Variants in CSMD1 observed in about 807,000 individuals in gnomAD.
The protein encoded by CSMD1 is CUB and sushi domain-containing protein 1.
Under a neutral mutation model 417.5 loss-of-function variants are expected in CSMD1, and 213 were observed. That is an observed-to-expected ratio of 0.51 (90% confidence interval 0.46 to 0.57). CSMD1 has a LOEUF of 0.57. Ranked by LOEUF, CSMD1 falls within the 20% of genes least tolerant of loss-of-function variation. The probability of loss-of-function intolerance (pLI) is 0.00; values close to 1 mark genes in which losing one functional copy is unlikely to be tolerated. For synonymous variants in CSMD1, 2,862 were observed against 1,736.8 expected, an observed-to-expected ratio of 1.65 and a Z score of -16.11; for missense variants, 6,923 against 4,529.7, an observed-to-expected ratio of 1.53 and a Z score of -15.17.
chr8:3,449,665 C>T (rs987185289), intron 12 of CSMD1, among the ~76,000 whole-genome samples: 2 of 152,016 alleles, frequency 1.3e-5, no homozygotes, highest in African/African-American at 2.4e-5. Flanking sequence ...TTACAGGTGA[C>T]TGCAACCATG....
At chr8:4,730,929 G>A (rs1048159146) in intron 1 of CSMD1, among the ~76,000 whole-genome samples, 1 of 152,012 alleles carries the variant, frequency 6.6e-6, no homozygotes, top group East Asian at 1.9e-4. Flanking sequence ...CATTCCTGAG[G>A]CAACCAGGGC....
At chr8:3,276,809 A>C (rs1229801508) in intron 26 of CSMD1, among the ~76,000 whole-genome samples, 1 of 152,154 alleles carries the variant, frequency 6.6e-6, no homozygotes, top group Non-Finnish European at 1.5e-5. Flanking sequence ...TGCACGTGGA[A>C]AATTTTCACG....
intron 2 of CSMD1, among the ~76,000 whole-genome samples, chr8:4,623,884 G>C (rs1042123219): frequency 1.3e-5 from 2 of 152,118 alleles, no homozygotes; most frequent in African/African-American, 4.8e-5. Context: ...GAAAAGTTTT[G>C]TGGGTGATAG....
chr8:3,861,897 A>C (rs1804735176), intron 5 of CSMD1, among the ~76,000 whole-genome samples: 1 of 152,296 alleles, frequency 6.6e-6, no homozygotes, highest in African/African-American at 2.4e-5. Context: ...CATAGCATCC[A>C]ACATGCCTGC....
intron 54 of CSMD1, among the ~76,000 whole-genome samples, chr8:2,984,629 G>A (rs917249862): frequency 2.6e-5 from 4 of 152,216 alleles, no homozygotes. Context: ...TTACAGGCAT[G>A]AGCCACCGCG....
intron 5 of CSMD1, among the ~76,000 whole-genome samples, chr8:3,924,394 C>T (rs575305243): frequency 1.3e-5 from 2 of 152,280 alleles, no homozygotes; most frequent in Admixed American, 1.3e-4. Context: ...GCTTCATATA[C>T]CTAGACATTC....
intron 5 of CSMD1, among the ~76,000 whole-genome samples, chr8:3,989,935 T>C (rs1036603154): frequency 5.3e-5 from 8 of 152,104 alleles, no homozygotes; most frequent in African/African-American, 1.7e-4. Context: ...AGAGAAAAAT[T>C]AGATATTCAT....
chr8:3,965,157 C>T (rs775471817), intron 5 of CSMD1, among the ~76,000 whole-genome samples: 3 of 152,098 alleles, frequency 2.0e-5, no homozygotes, highest in Non-Finnish European at 4.4e-5. Context: ...TAGTTTCTTG[C>T]TTTTTAACAG....
intron 2 of CSMD1, among the ~76,000 whole-genome samples, chr8:4,525,013 G>A (rs932533393): frequency 6.6e-6 from 1 of 152,066 alleles, no homozygotes; most frequent in African/African-American, 2.4e-5. Flanking sequence ...AATAATTGCA[G>A]TTTATATTTT....
intron 5 of CSMD1, among the ~76,000 whole-genome samples, chr8:3,878,426 AATG>A (rs1471193991): frequency 6.6e-6 from 1 of 152,188 alleles, no homozygotes; most frequent in African/African-American, 2.4e-5. Context: ...TAATATCAAC[AATG>A]ATACCAGTCT....
At chr8:3,233,574 A>G (rs932648890) in intron 26 of CSMD1, among the ~76,000 whole-genome samples, 2 of 152,226 alleles carry the variant, frequency 1.3e-5, no homozygotes, top group African/African-American at 4.8e-5. Context: ...TATGTTTAGT[A>G]AGGACATGTG....
intron 1 of CSMD1, among the ~76,000 whole-genome samples, chr8:4,673,883 G>C (rs1485543118): frequency 6.6e-6 from 1 of 152,116 alleles, no homozygotes; most frequent in East Asian, 1.9e-4. Context: ...CTGGGGAATG[G>C]TAATGATTGC....
chr8:3,232,237 G>A (rs902994507), intron 26 of CSMD1, among the ~76,000 whole-genome samples: 1 of 152,038 alleles, frequency 6.6e-6, no homozygotes, highest in Non-Finnish European at 1.5e-5. Context: ...TCCACTTTTA[G>A]CCACATATAT....
intron 1 of CSMD1, among the ~76,000 whole-genome samples, chr8:4,752,105 C>CAT (rs1811370758): frequency 1.3e-5 from 2 of 151,886 alleles, no homozygotes; most frequent in Non-Finnish European, 2.9e-5. Flanking sequence ...ACATGTATCA[C>CAT]ATATATATAT....
At chr8:3,564,381 T>C (rs1328646485) in intron 10 of CSMD1, among the ~76,000 whole-genome samples, 1 of 152,214 alleles carries the variant, frequency 6.6e-6, no homozygotes, top group African/African-American at 2.4e-5. Flanking sequence ...AACCTAGACA[T>C]TCATTCACTC....
chr8:3,831,848 T>G (rs934267154), intron 5 of CSMD1, among the ~76,000 whole-genome samples: 3 of 152,204 alleles, frequency 2.0e-5, no homozygotes, highest in Non-Finnish European at 4.4e-5. Flanking sequence ...CTATCCTTGT[T>G]CATATAACAT....
intron 2 of CSMD1, among the ~76,000 whole-genome samples, chr8:4,548,210 T>C (rs551420486): frequency 3.0e-4 from 45 of 152,142 alleles, no homozygotes; most frequent in Non-Finnish European, 4.7e-4. Context: ...CCGTCAAAAA[T>C]TGGCATTTAA....
chr8:3,841,282 T>A (rs1016550127), intron 5 of CSMD1, among the ~76,000 whole-genome samples: 4 of 152,158 alleles, frequency 2.6e-5, no homozygotes, highest in African/African-American at 4.8e-5. Flanking sequence ...TGAACTATCT[T>A]TAAAACTAAA....
chr8:3,948,056 A>G (rs953604189), intron 5 of CSMD1, among the ~76,000 whole-genome samples: 1 of 152,108 alleles, frequency 6.6e-6, no homozygotes, highest in Admixed American at 6.6e-5. Context: ...AAATATAAAA[A>G]TTATCTGGGC....
Sources: allele counts gnomAD v4.1 joint callset (sites outside exome capture counted in the v4.1 genomes callset), GRCh38; gene constraint gnomAD v4.1.1; transcripts MANE v1.5; gene names NCBI Gene and HGNC (gene_info 2026-07-23, HGNC 2026-07-21).